The following DLGAP2 variants were observed in gnomAD, a reference collection of about 807,000 sequenced individuals.
The protein encoded by DLGAP2 is DLG associated protein 2.
In DLGAP2, 26 loss-of-function variants were observed where a neutral mutation model predicts 100.3. The observed-to-expected ratio is 0.26, with a 90% CI of 0.19 to 0.36. The LOEUF (loss-of-function observed/expected upper bound fraction) is 0.36, where lower values mean the gene tolerates loss of function less well. Among genes scored for constraint, DLGAP2 ranks in the 10% least tolerant of loss-of-function variants. DLGAP2 has a pLI of 1.00. For missense variants in DLGAP2, 1,858 were observed against 1,453.2 expected (o/e 1.28, Z -4.53); for synonymous variants, 886 against 630.1 (o/e 1.41, Z -6.08).
intron 10 of DLGAP2, among the ~76,000 whole-genome samples, chr8:1,672,461 C>G (rs989199584): frequency 2.6e-5 from 4 of 152,218 alleles, no homozygotes; most frequent in Non-Finnish European, 5.9e-5. Context: ...CTCCTGACCT[C>G]AGGTGATCCA....
chr8:755,703 G>A (rs1181129128), intron 1 of DLGAP2, among the ~76,000 whole-genome samples: 1 of 152,184 alleles, frequency 6.6e-6, no homozygotes, highest in African/African-American at 2.4e-5. Context: ...CTAGCGGCTG[G>A]CATGGCTAGG....
chr8:1,410,993 G>C (rs79569694), intron 3 of DLGAP2, among the ~76,000 whole-genome samples: 2 of 152,052 alleles, frequency 1.3e-5, no homozygotes, highest in African/African-American at 2.4e-5. Flanking sequence ...ACTTTGACTT[G>C]CCAGCTAAAC....
At chr8:937,053 C>G (rs562370451) in intron 2 of DLGAP2, among the ~76,000 whole-genome samples, 15 of 152,330 alleles carry the variant, frequency 9.8e-5, no homozygotes, top group African/African-American at 3.4e-4. Flanking sequence ...ATGATGGCCT[C>G]CTGTGTGAAG....
chr8:1,155,674 C>T (rs528984543), intron 2 of DLGAP2, among the ~76,000 whole-genome samples: 1 of 151,818 alleles, frequency 6.6e-6, no homozygotes, highest in South Asian at 2.1e-4. Flanking sequence ...CAGGCCCCTC[C>T]GAGGCCCCCA....
intron 2 of DLGAP2, among the ~76,000 whole-genome samples, chr8:1,021,355 G>A (rs1430383724): frequency 6.6e-6 from 1 of 152,168 alleles, no homozygotes; most frequent in Non-Finnish European, 1.5e-5. Flanking sequence ...TTCATTCCCT[G>A]AGGATGAAAA....
At chr8:1,158,499 A>G (rs1314425010) in intron 2 of DLGAP2, among the ~76,000 whole-genome samples, 2 of 152,242 alleles carry the variant, frequency 1.3e-5, no homozygotes, top group Non-Finnish European at 2.9e-5. Context: ...TGTAATAATT[A>G]TACCTTTCCA....
chr8:1,707,007 T>A lies in DLGAP2; in HGVS notation c.*5601T>A, dbSNP rs951942807. The A allele has an allele frequency of 3.9e-5, 6 of 152,632 alleles. No homozygotes were observed. Among genetic ancestry groups the A allele is most frequent in the African/African-American group, 1.4e-4 (6 of 41,454 alleles). 9.5% of individuals were successfully genotyped at this position (152,632 alleles called of 1,614,324 possible). A position where few individuals can be genotyped will look rare whatever the true frequency, so the allele number is the denominator to read the frequency against. On this transcript the variant is annotated 3_prime_UTR_variant, in exon 15 of 15. Transcript: ENST00000637795. ...TTTATCCAGTGTTAAAATAAATTATTTCAAGTTTCAATGTAAACACTTAAC... is the reference window on the plus strand; with the variant it reads ...TTTATCCAGTGTTAAAATAAATTATATCAAGTTTCAATGTAAACACTTAAC...
intron 3 of DLGAP2, among the ~76,000 whole-genome samples, chr8:1,302,843 G>T (rs576029825): frequency 4.6e-5 from 7 of 152,384 alleles, no homozygotes; most frequent in African/African-American, 1.7e-4. Context: ...CGCCGCTGGA[G>T]TCGATTCTTT....
chr8:1,580,685 C>T lies in DLGAP2; in HGVS notation c.1442+14791C>T, dbSNP rs866678252. Among the ~76,000 whole-genome samples, 9 of 152,210 alleles carry T rather than the reference C, an allele frequency of 5.9e-5. No homozygotes were observed. In the South Asian group the frequency reaches 1.2e-3, roughly 21 times the overall value. On this transcript the variant is annotated intron_variant, in intron 6 of 14. Coordinates refer to ENST00000637795, the MANE Select transcript of DLGAP2 (RefSeq NM_001346810.2). Reference sequence around the variant, plus strand: ...AAACAAAACCCCATACACATCTACACACCACAGTCGAACTACCAGAAGTGA... The same window carrying T: ...AAACAAAACCCCATACACATCTACATACCACAGTCGAACTACCAGAAGTGA...
At chr8:1,149,923 C>G (rs1217121404) in intron 2 of DLGAP2, among the ~76,000 whole-genome samples, 1 of 152,208 alleles carries the variant, frequency 6.6e-6, no homozygotes, top group Non-Finnish European at 1.5e-5. Flanking sequence ...GACCCTGGAA[C>G]CTTTTAACTC....
At chr8:1,173,445 C>T (rs4541955) in intron 2 of DLGAP2, among the ~76,000 whole-genome samples, 10,845 of 152,196 alleles carry the variant, frequency 0.071, 1,123 homozygotes, top group African/African-American at 0.23. Context: ...TCTGCAGAGG[C>T]TACTGCTGTC....
At chr8:1,006,289 C>A (rs531934939) in intron 2 of DLGAP2, among the ~76,000 whole-genome samples, 1 of 152,314 alleles carries the variant, frequency 6.6e-6, no homozygotes, top group Admixed American at 6.5e-5. Flanking sequence ...TTTATCACAT[C>A]GAGGACGCCA....
intron 6 of DLGAP2, among the ~76,000 whole-genome samples, chr8:1,620,047 C>T (rs1405496038): frequency 2.6e-5 from 4 of 152,120 alleles, no homozygotes; most frequent in African/African-American, 7.2e-5. Context: ...TTGCTTCATC[C>T]CCCCATCCAA....
At chr8:1,392,027 G>A (rs555683018) in intron 3 of DLGAP2, among the ~76,000 whole-genome samples, 2 of 152,280 alleles carry the variant, frequency 1.3e-5, no homozygotes, top group East Asian at 3.9e-4. Context: ...TGTTTGAATC[G>A]CCTTATCTAT....
At chr8:822,754 G>C (rs1796607328) in intron 1 of DLGAP2, among the ~76,000 whole-genome samples, 1 of 152,190 alleles carries the variant, frequency 6.6e-6, no homozygotes, top group Admixed American at 6.5e-5. Flanking sequence ...CCACAGGCCT[G>C]GGCGTGGTGA....
chr8:935,477 G>C (rs1050846978), intron 2 of DLGAP2, among the ~76,000 whole-genome samples: 21 of 152,330 alleles, frequency 1.4e-4, no homozygotes, highest in African/African-American at 4.8e-4. Flanking sequence ...TTTTGCATAT[G>C]TTGGATTAAA....
At chr8:1,499,716 GT>G (rs869203444) in intron 3 of DLGAP2, among the ~76,000 whole-genome samples, 3 of 152,262 alleles carry the variant, frequency 2.0e-5, no homozygotes, top group South Asian at 2.1e-4. Context: ...ATACATGTGT[GT>G]TTTTTTAAAA....
chr8:1,149,994 G>T (rs965322274), intron 2 of DLGAP2, among the ~76,000 whole-genome samples: 3 of 152,170 alleles, frequency 2.0e-5, no homozygotes, highest in African/African-American at 7.2e-5. Context: ...TATGTTTAAG[G>T]TCAGTAAGAC....
intron 3 of DLGAP2, among the ~76,000 whole-genome samples, chr8:1,327,388 G>C (rs1336709962): frequency 6.6e-6 from 1 of 152,204 alleles, no homozygotes; most frequent in Admixed American, 6.5e-5. Flanking sequence ...TTGGGCTCAT[G>C]AGAATGATGT....
Sources: allele counts gnomAD v4.1 joint callset (sites outside exome capture counted in the v4.1 genomes callset), GRCh38; gene constraint gnomAD v4.1.1; transcripts MANE v1.5; gene names NCBI Gene and HGNC (gene_info 2026-07-23, HGNC 2026-07-21).